Variants in TBC1D1 observed in about 807,000 individuals in gnomAD.
TBC1D1 encodes the protein TBC1 domain family member 1, also known as TBC1 (tre-2/USP6, BUB2, cdc16) domain family, member 1.
Under a neutral mutation model 125.6 loss-of-function variants are expected in TBC1D1, and 89 were observed. That is an observed-to-expected ratio of 0.71 (90% confidence interval 0.60 to 0.85). The LOEUF is 0.85. TBC1D1 is among the 40% of genes least tolerant of loss of function. The pLI is 0.00. For missense variants in TBC1D1, 1,377 were observed against 1,469.2 expected (o/e 0.94, Z 1.03); for synonymous variants, 565 against 564.1 (o/e 1.00, Z -0.02).
intron 13 of TBC1D1, 34 bp downstream of exon 15, chr4:38,090,151 GTCTTA>G (rs1218958265): frequency 2.2e-5 from 35 of 1,602,228 alleles, no homozygotes; most frequent in Non-Finnish European, 2.9e-5. Flanking sequence ...AACAGGCCTG[GTCTTA>G]TCTTGGCTCT....
chr4:38,072,608 A>C (rs771996474), intron 12 of TBC1D1, among the ~76,000 whole-genome samples: 3 of 152,234 alleles, frequency 2.0e-5, no homozygotes, highest in Non-Finnish European at 4.4e-5. Context: ...AGATTTAAAA[A>C]AAATTTTTTA....
At chr4:38,020,066 T>G (rs1743672162) in intron 4 of TBC1D1, among the ~76,000 whole-genome samples, 1 of 150,948 alleles carries the variant, frequency 6.6e-6, no homozygotes, top group Admixed American at 6.7e-5. Flanking sequence ...TCAGATCTTA[T>G]TTTTCTTATT....
intron 2 of TBC1D1, among the ~76,000 whole-genome samples, chr4:37,955,726 A>G (rs925146961): frequency 6.6e-6 from 1 of 152,070 alleles, no homozygotes; most frequent in African/African-American, 2.4e-5. Flanking sequence ...ACTCTTTTTT[A>G]CAAAAATTTC....
At chr4:37,918,319 G>A (rs887941340) in intron 2 of TBC1D1, among the ~76,000 whole-genome samples, 6 of 152,186 alleles carry the variant, frequency 3.9e-5, no homozygotes, top group Non-Finnish European at 7.4e-5. Flanking sequence ...AAAGTTGTAC[G>A]TAGCCTTTGT....
intron 2 of TBC1D1, among the ~76,000 whole-genome samples, chr4:37,925,367 AG>A (rs1285649588): frequency 1.3e-5 from 2 of 152,166 alleles, no homozygotes; most frequent in Non-Finnish European, 2.9e-5. Context: ...CGCTGTCTAT[AG>A]GTGGAAGGAA....
chr4:38,038,063 T>C (rs1228595710), intron 8 of TBC1D1, among the ~76,000 whole-genome samples: 1 of 152,230 alleles, frequency 6.6e-6, no homozygotes, highest in Non-Finnish European at 1.5e-5. Flanking sequence ...CCATTCATTC[T>C]ACAAGTTTTT....
intron 12 of TBC1D1, among the ~76,000 whole-genome samples, chr4:38,074,961 A>C (rs531260682): frequency 6.6e-6 from 1 of 152,124 alleles, no homozygotes; most frequent in Non-Finnish European, 1.5e-5. Context: ...GGGTTTTGCC[A>C]TGTTGTCCAG....
rs1742143694 is a variant in TBC1D1 at position 38,014,319 on chromosome 4, A to C, written c.418-190A>C. The stretch of plus-strand genomic sequence containing the variant: ...TCGTCCCCCTTCTCTTTTCTGTGGA[A>C]GCTGTGTGTTCACCTCCCATGGGAA... On this transcript the variant is annotated intron_variant, in intron 2 of 19. Transcript: ENST00000261439. This position sits in a 1 kb window ranked among gnomAD's most constrained non-coding sequence, Gnocchi z 5.1. Among the ~76,000 whole-genome samples, 2 of 152,094 alleles carry C rather than the reference A, an allele frequency of 1.3e-5. No homozygotes were observed. The highest frequency in any genetic ancestry group is 4.8e-5 in the African/African-American group (2 of 41,406).
intron 12 of TBC1D1, among the ~76,000 whole-genome samples, chr4:38,083,286 A>C (rs1372344844): frequency 6.6e-6 from 1 of 152,260 alleles, no homozygotes; most frequent in Non-Finnish European, 1.5e-5. Context: ...TGGATTGACT[A>C]GACCTTAAGC....
At chr4:37,978,615 C>G (rs965745475) in intron 2 of TBC1D1, among the ~76,000 whole-genome samples, 2 of 152,162 alleles carry the variant, frequency 1.3e-5, no homozygotes, top group Admixed American at 6.5e-5. Context: ...CTAGATAACA[C>G]TAGTTTTTAG....
chr4:38,068,728 G>T (rs533618224), intron 12 of TBC1D1, among the ~76,000 whole-genome samples: 1 of 152,182 alleles, frequency 6.6e-6, no homozygotes, highest in Non-Finnish European at 1.5e-5. Flanking sequence ...AGCCACATGT[G>T]GCTACCGTAT....
chr4:38,096,962 C>G (rs1759457924), intron 14 of TBC1D1, among the ~76,000 whole-genome samples: 1 of 152,094 alleles, frequency 6.6e-6, no homozygotes, highest in Non-Finnish European at 1.5e-5. Context: ...TATTAGTGTT[C>G]TAGTCAAACA....
At chr4:37,891,740 A>T (rs1039342041) in intron 1 of TBC1D1, among the ~76,000 whole-genome samples, 2 of 143,370 alleles carry the variant, frequency 1.4e-5, no homozygotes, top group Admixed American at 1.5e-4. Context: ...GCCACGCTTT[A>T]AAAGTTCAGG....
intron 2 of TBC1D1, among the ~76,000 whole-genome samples, chr4:37,908,316 C>T (rs1413146704): frequency 6.6e-6 from 1 of 152,150 alleles, no homozygotes; most frequent in Non-Finnish European, 1.5e-5. Context: ...AGAGATTCTC[C>T]TGTTTCAGAC....
chr4:38,057,552 ATC>A (rs1751955161), intron 12 of TBC1D1, among the ~76,000 whole-genome samples: 1 of 152,162 alleles, frequency 6.6e-6, no homozygotes, highest in African/African-American at 2.4e-5. Context: ...ATTATTTCTT[ATC>A]TCTTCTCAGA....
At chr4:38,050,927 G>T (rs1239333002) in intron 11 of TBC1D1, among the ~76,000 whole-genome samples, 1 of 152,200 alleles carries the variant, frequency 6.6e-6, no homozygotes, top group Non-Finnish European at 1.5e-5. Context: ...AAAAGCAGGG[G>T]ACATGTCAGA....
intron 2 of TBC1D1, among the ~76,000 whole-genome samples, chr4:37,974,873 C>T (rs540514264): frequency 1.8e-4 from 28 of 152,128 alleles, no homozygotes; most frequent in East Asian, 7.7e-4. Context: ...TATGCCTTTA[C>T]GGTTTTATCT....
At chr4:37,994,489 C>G (rs1239248963) in intron 2 of TBC1D1, among the ~76,000 whole-genome samples, 1 of 152,134 alleles carries the variant, frequency 6.6e-6, no homozygotes, top group African/African-American at 2.4e-5. Flanking sequence ...AAGCACCCAC[C>G]TACCTTGTCC....
At position 38,021,666 on chromosome 4, in the gene TBC1D1, G is replaced by C. The variant is rs1744063369; in HGVS notation, c.1158G>C (p.Leu386=). The C allele has an allele frequency of 3.8e-6, 6 of 1,598,640 alleles. No homozygotes were observed. Among genetic ancestry groups the C allele is most frequent in the Non-Finnish European group, 5.1e-6 (6 of 1,172,838 alleles). ...AGACAGCTAAGGCGCCAGCCCAGCT[G>C]TGTGAGGGCTGCCCCCTGCAAAGCC... The change falls in exon 6 of 20, where the codon CTG becomes CTC. Residue 386 remains leucine, a synonymous_variant. Transcript: ENST00000261439.
Sources: gnomAD v4.1 joint callset for allele counts (sites outside exome capture counted in the v4.1 genomes callset) on GRCh38, gnomAD v4.1.1 for gene constraint, Gnocchi (gnomAD v3.1) non-coding constraint, MANE v1.5 for transcripts, NCBI Gene and HGNC (gene_info 2026-07-23, HGNC 2026-07-21) for gene names.